The following APAF1 variants were observed in gnomAD, a reference collection of about 807,000 sequenced individuals.
APAF1 encodes the protein apoptotic protease-activating factor 1.
In APAF1, 91 loss-of-function variants were observed where a neutral mutation model predicts 152.4. The ratio of observed to expected loss-of-function variants is 0.60; its 90% confidence interval spans 0.50 to 0.71. The LOEUF (loss-of-function observed/expected upper bound fraction) is 0.71, where lower values mean the gene tolerates loss of function less well. Among genes scored for constraint, APAF1 ranks in the 30% least tolerant of loss-of-function variants. The pLI, the probability that APAF1 is intolerant of heterozygous loss-of-function variation, is 0.00. For missense variants in APAF1, 1,283 were observed against 1,472.0 expected, an observed-to-expected ratio of 0.87 and a Z score of 2.10; for synonymous variants, 484 against 494.1, an observed-to-expected ratio of 0.98 and a Z score of 0.27.
intron 16 of APAF1, among the ~76,000 whole-genome samples, chr12:98,693,460 C>T (rs965014923): frequency 6.6e-6 from 1 of 152,136 alleles, no homozygotes; most frequent in Non-Finnish European, 1.5e-5. Flanking sequence ...TAACTAATCA[C>T]AATTGAGCCG....
chr12:98,649,653 A>G lies in APAF1; in HGVS notation c.495A>G (p.Ala165=). ...GCTGTGGGAAGTCTGTATTAGCTGC[A>G]GAAGCTGTTAGAGATCATTCCCTTT... ...MAGCGKSVLA[A]EAVRDHSLLE... is the part of the protein sequence containing the mutation. The change falls in exon 4 of 27, where the codon GCA becomes GCG. Residue 165 remains alanine (A), a synonymous_variant. Coordinates refer to ENST00000551964, the MANE Select transcript of APAF1 (RefSeq NM_181861.2). 6.2e-7 allele frequency: 1 copy of G among 1,614,116 alleles called. No homozygotes were observed. The highest frequency in any genetic ancestry group is 1.3e-5 in the African/African-American group (1 of 75,064).
intron 10 of APAF1, among the ~76,000 whole-genome samples, chr12:98,669,350 A>AC (rs2097677233): frequency 6.6e-6 from 1 of 152,064 alleles, no homozygotes; most frequent in African/African-American, 2.4e-5. Context: ...CTTTTTTCTG[A>AC]CTTTAAAGGT....
At chr12:98,698,907 A>G (rs2097712389) in intron 16 of APAF1, among the ~76,000 whole-genome samples, 1 of 152,230 alleles carries the variant, frequency 6.6e-6, no homozygotes, top group Non-Finnish European at 1.5e-5. Context: ...CCTGCCAAGC[A>G]CACAAAGAGT....
chr12:98,693,563 T>G (rs1234836153), intron 16 of APAF1, among the ~76,000 whole-genome samples: 1 of 152,202 alleles, frequency 6.6e-6, no homozygotes, highest in Non-Finnish European at 1.5e-5. Context: ...TTATATGTGC[T>G]TATCTTCAAA....
At chr12:98,693,710 C>T (rs1017709731) in intron 16 of APAF1, among the ~76,000 whole-genome samples, 15 of 151,892 alleles carry the variant, frequency 9.9e-5, no homozygotes, top group Non-Finnish European at 2.1e-4. Flanking sequence ...TCCCAGAGTC[C>T]AGCTGCCATC....
At chr12:98,692,537 C>T (rs1251953012) in intron 16 of APAF1, among the ~76,000 whole-genome samples, 1 of 152,168 alleles carries the variant, frequency 6.6e-6, no homozygotes, top group Non-Finnish European at 1.5e-5. Flanking sequence ...CAATAGGTGC[C>T]TCATTCCCCC....
chr12:98,677,194 C>T (rs1186749127), intron 12 of APAF1, among the ~76,000 whole-genome samples: 1 of 152,144 alleles, frequency 6.6e-6, no homozygotes, highest in Non-Finnish European at 1.5e-5. Context: ...ATTTGTAACA[C>T]GTGACAGGTT....
chr12:98,699,428 A>G lies in APAF1; in HGVS notation c.2325A>G (p.Ala775=). The G allele has an allele frequency of 6.2e-7, 1 of 1,614,156 alleles. No individual in the cohort carries two copies. Among genetic ancestry groups the G allele is most frequent in the Non-Finnish European group, 8.5e-7 (1 of 1,180,014 alleles). The change falls in exon 17 of 27, where the codon GCA becomes GCG. Residue 775 remains alanine, a synonymous_variant. Transcript: ENST00000551964. ...CAAAGCTTTGGGATGCGACATCAGC[A>G]AATGAGAGGAAAAGCATTAATGTGA... ...GTLKLWDATS[A]NERKSINVKQ...
chr12:98,723,124 C>G (rs899378570), intron 22 of APAF1, 69 bp from the exon 23 acceptor site: 179 of 1,498,944 alleles, frequency 1.2e-4, no homozygotes, highest in Non-Finnish European at 1.6e-4. Context: ...AGAATGTACA[C>G]TCTCTCCACC....
chr12:98,668,263 G>A (rs1407062742), intron 10 of APAF1, among the ~76,000 whole-genome samples: 3 of 152,074 alleles, frequency 2.0e-5, no homozygotes, highest in Non-Finnish European at 4.4e-5. Context: ...ATTAGAAAAG[G>A]TACCTTAGTA....
chr12:98,667,706 T>A (rs1451906584), intron 10 of APAF1, 62 bp downstream of exon 10: 11 of 1,527,878 alleles, frequency 7.2e-6, no homozygotes, highest in Non-Finnish European at 9.9e-6. Flanking sequence ...GTATTACAAA[T>A]AAGTGCTTTT....
At chr12:98,655,792 T>TC (rs1190827768) in intron 4 of APAF1, among the ~76,000 whole-genome samples, 1 of 151,364 alleles carries the variant, frequency 6.6e-6, no homozygotes, top group African/African-American at 2.4e-5. Flanking sequence ...TTTTTCTTTT[T>TC]TTTTTTTTTG....
At position 98,649,875 on chromosome 12, in the gene APAF1, TAGC is replaced by T. The variant is rs145776709; in HGVS notation, c.526+194_526+196del. ...AAGCTTCCTGAATGAGATGACATCT[TAGC>T]AGGAGTTTGGAGAAAGAATAAAAGT... On this transcript the variant is annotated intron_variant, in intron 4 of 26. Coordinates refer to ENST00000551964, the MANE Select transcript of APAF1 (RefSeq NM_181861.2). 3.2e-3 allele frequency among the ~76,000 whole-genome samples: 492 copies of T among 152,246 alleles called. 2 individuals are homozygous for T. The highest frequency in any genetic ancestry group is 0.01 in the African/African-American group (425 of 41,544).
chr12:98,691,513 C>T (rs938848476), intron 16 of APAF1, among the ~76,000 whole-genome samples: 2 of 152,150 alleles, frequency 1.3e-5, no homozygotes, highest in African/African-American at 4.8e-5. Flanking sequence ...TGACTACCTA[C>T]TCCCTGCTTA....
At chr12:98,697,186 A>G (rs2097710845) in intron 16 of APAF1, among the ~76,000 whole-genome samples, 1 of 152,166 alleles carries the variant, frequency 6.6e-6, no homozygotes. Flanking sequence ...CTCTGTCTTA[A>G]GCTGGTATAA....
intron 19 of APAF1, among the ~76,000 whole-genome samples, chr12:98,708,072 G>C (rs2097723758): frequency 6.6e-6 from 1 of 152,142 alleles, no homozygotes; most frequent in Non-Finnish European, 1.5e-5. Context: ...TCAGCCTCCT[G>C]AGTAGCTGGG....
chr12:98,660,736 T>C (rs2097663993), intron 5 of APAF1, among the ~76,000 whole-genome samples: 1 of 152,220 alleles, frequency 6.6e-6, no homozygotes, highest in East Asian at 1.9e-4. Context: ...AAAGCATTCC[T>C]TGGGAATGTT....
chr12:98,703,291 T>C (rs2097717662), intron 17 of APAF1, 80 bp from the exon 18 acceptor site: 2 of 1,508,392 alleles, frequency 1.3e-6, no homozygotes, highest in Non-Finnish European at 1.8e-6. Flanking sequence ...TCAGGACTTA[T>C]ATTTGAAATG....
Position 98,671,730 on chromosome 12 carries a change from T to A in APAF1, c.1793+11T>A, listed in dbSNP as rs762174133. ...TTACCTGGAATGGATGTAAGTAGGT[T>A]AGGAGAGAAACCAAAGGGAGTGGTG... is the stretch of plus-strand genomic sequence containing the variant. On this transcript the variant is annotated intron_variant, in intron 12 of 26. Transcript: ENST00000551964. 6.2e-7 allele frequency: 1 copy of A among 1,613,698 alleles called. No homozygotes were observed. The highest frequency in any genetic ancestry group is 8.5e-7 in the Non-Finnish European group (1 of 1,179,652).
Sources: gnomAD v4.1 joint callset for allele counts (sites outside exome capture counted in the v4.1 genomes callset) on GRCh38, gnomAD v4.1.1 for gene constraint, MANE v1.5 for transcripts, NCBI Gene and HGNC (gene_info 2026-07-23, HGNC 2026-07-21) for gene names.